The following PTPRG variants were observed in gnomAD, a reference collection of about 807,000 sequenced individuals.
PTPRG encodes protein tyrosine phosphatase receptor type G.
Under a neutral mutation model 165.3 loss-of-function variants are expected in PTPRG, and 102 were observed. The observed-to-expected ratio is 0.62, with a 90% CI of 0.53 to 0.73. The LOEUF (loss-of-function observed/expected upper bound fraction) is 0.73, where lower values mean the gene tolerates loss of function less well. PTPRG is among the 30% of genes least tolerant of loss of function. The pLI is 0.00. For missense variants in PTPRG, 1,866 were observed against 1,861.4 expected (o/e 1.00, Z -0.05); for synonymous variants, 675 against 669.5 (o/e 1.01, Z -0.13).
chr3:62,227,957 T>C (rs1216746093), intron 13 of PTPRG, among the ~76,000 whole-genome samples: 1 of 152,222 alleles, frequency 6.6e-6, no homozygotes, highest in African/African-American at 2.4e-5. Context: ...CAGATTCCCT[T>C]GTGTCCGTTG....
chr3:61,948,552 A>T (rs2039821255), intron 2 of PTPRG, among the ~76,000 whole-genome samples: 1 of 152,138 alleles, frequency 6.6e-6, no homozygotes, highest in Non-Finnish European at 1.5e-5. Flanking sequence ...TCCTCCAGAT[A>T]TGGAGTGATT....
At chr3:62,069,626 A>ATAGGATC (rs892722317) in intron 4 of PTPRG, among the ~76,000 whole-genome samples, 2 of 149,866 alleles carry the variant, frequency 1.3e-5, no homozygotes, top group Admixed American at 6.7e-5. Context: ...AAAGAGAGCC[A>ATAGGATC]TAGGATCGAT....
intron 2 of PTPRG, among the ~76,000 whole-genome samples, chr3:61,925,139 C>T (rs938164978): frequency 6.6e-6 from 1 of 152,226 alleles, no homozygotes; most frequent in Non-Finnish European, 1.5e-5. Flanking sequence ...TGACTTAAGA[C>T]AGAATCATAA....
chr3:62,185,309 A>G (rs1361705084), intron 8 of PTPRG, among the ~76,000 whole-genome samples: 1 of 152,228 alleles, frequency 6.6e-6, no homozygotes, highest in Non-Finnish European at 1.5e-5. Context: ...ATATTTGTTT[A>G]GAGATCCGGG....
At chr3:61,580,584 C>T (rs1267788960) in intron 1 of PTPRG, among the ~76,000 whole-genome samples, 1 of 152,094 alleles carries the variant, frequency 6.6e-6, no homozygotes, top group South Asian at 2.1e-4. Flanking sequence ...ATGTGCCCGC[C>T]TCAGCCTCCT....
chr3:61,722,675 A>G (rs931303913), intron 1 of PTPRG, among the ~76,000 whole-genome samples: 1 of 152,246 alleles, frequency 6.6e-6, no homozygotes, highest in Non-Finnish European at 1.5e-5. Flanking sequence ...TTTCAGTACT[A>G]TAACTTCAAA....
intron 17 of PTPRG, among the ~76,000 whole-genome samples, chr3:62,264,781 A>AT (rs1429091769): frequency 1.3e-5 from 2 of 152,108 alleles, no homozygotes; most frequent in Non-Finnish European, 2.9e-5. Flanking sequence ...GTAGACAGAT[A>AT]TTTTCACTTC....
intron 2 of PTPRG, among the ~76,000 whole-genome samples, chr3:61,799,066 TCTA>T (rs1477805920): frequency 2.0e-5 from 3 of 152,170 alleles, no homozygotes; most frequent in Non-Finnish European, 1.5e-5. Context: ...TTTATAGAAC[TCTA>T]CTATTTTCAT....
intron 26 of PTPRG, among the ~76,000 whole-genome samples, chr3:62,279,106 A>T (rs938496226): frequency 2.6e-5 from 4 of 152,008 alleles, no homozygotes; most frequent in Non-Finnish European, 5.9e-5. Context: ...GAGTTTCATC[A>T]TTGCACAGTT....
At chr3:61,949,719 T>G (rs1160394621) in intron 2 of PTPRG, among the ~76,000 whole-genome samples, 1 of 143,384 alleles carries the variant, frequency 7.0e-6, no homozygotes, top group Non-Finnish European at 1.5e-5. Context: ...TTAAAGCCTT[T>G]GGATTCTTTG....
chr3:61,576,582 G>A (rs949915462), intron 1 of PTPRG, among the ~76,000 whole-genome samples: 1 of 152,170 alleles, frequency 6.6e-6, no homozygotes, highest in African/African-American at 2.4e-5. Flanking sequence ...CGAGGTCTTA[G>A]AATCATTTTC....
At chr3:61,856,620 A>C (rs2037113657) in intron 2 of PTPRG, among the ~76,000 whole-genome samples, 1 of 152,146 alleles carries the variant, frequency 6.6e-6, no homozygotes, top group Admixed American at 6.6e-5. Flanking sequence ...ATAAATATAG[A>C]ACTATAGTGT....
At chr3:62,180,172 G>A (rs1559611191) in intron 8 of PTPRG, among the ~76,000 whole-genome samples, 1 of 152,346 alleles carries the variant, frequency 6.6e-6, no homozygotes, top group African/African-American at 2.4e-5. Context: ...AAAGCCATCT[G>A]TGTGGGTCAC....
At chr3:61,770,097 C>A (rs1219228728) in intron 2 of PTPRG, 3 of 152,082 alleles carry the variant, frequency 2.0e-5, no homozygotes, top group Non-Finnish European at 4.4e-5. Context: ...TGTTCCTTAC[C>A]AATTGTTAAA....
At chr3:61,763,908 TA>T (rs1404619721) in intron 2 of PTPRG, among the ~76,000 whole-genome samples, 6 of 152,122 alleles carry the variant, frequency 3.9e-5, no homozygotes, top group African/African-American at 1.4e-4. Flanking sequence ...TAAAATGAAA[TA>T]AAATTTAAGA....
chr3:62,187,578 A>G (rs749024573), intron 8 of PTPRG, among the ~76,000 whole-genome samples: 6 of 152,222 alleles, frequency 3.9e-5, no homozygotes, highest in Non-Finnish European at 8.8e-5. Flanking sequence ...TTGTGCTTCA[A>G]AGGTGGAATC....
chr3:62,181,467 C>T (rs1315084226), intron 8 of PTPRG, among the ~76,000 whole-genome samples: 2 of 152,132 alleles, frequency 1.3e-5, no homozygotes, highest in South Asian at 2.1e-4. Flanking sequence ...CCTCTATAAA[C>T]ACCTACTCAT....
chr3:62,282,671 G>A (rs1702498291), intron 27 of PTPRG, 56 bp from the exon 28 acceptor site: 1 of 1,538,506 alleles, frequency 6.5e-7, no homozygotes, highest in Non-Finnish European at 8.7e-7. Flanking sequence ...CTAGTCATTA[G>A]ATTGTAGATA....
chr3:61,909,349 T>G (rs1290528374), intron 2 of PTPRG, among the ~76,000 whole-genome samples: 2 of 152,104 alleles, frequency 1.3e-5, no homozygotes, highest in African/African-American at 2.4e-5. Flanking sequence ...ATTTTTTAAT[T>G]TTTATGTATT....
Sources: gnomAD v4.1 joint callset for allele counts (sites outside exome capture counted in the v4.1 genomes callset) on GRCh38, gnomAD v4.1.1 for gene constraint, MANE v1.5 for transcripts, NCBI Gene and HGNC (gene_info 2026-07-23, HGNC 2026-07-21) for gene names.